Variants in CSMD1 observed in about 807,000 individuals in gnomAD.
CSMD1 encodes CUB and Sushi multiple domains 1.
A neutral mutation model predicts 417.5 loss-of-function variants in CSMD1; 213 were observed. That is an observed-to-expected ratio of 0.51 (90% CI 0.46 to 0.57). The LOEUF (loss-of-function observed/expected upper bound fraction) is 0.57, where lower values mean the gene tolerates loss of function less well. Among genes scored for constraint, CSMD1 ranks in the 20% least tolerant of loss-of-function variants. The pLI is 0.00. For missense variants in CSMD1, 6,923 were observed against 4,529.7 expected (o/e 1.53, Z -15.17); for synonymous variants, 2,862 against 1,736.8 (o/e 1.65, Z -16.11).
intron 3 of CSMD1, among the ~76,000 whole-genome samples, chr8:4,268,450 G>A (rs928267952): frequency 5.9e-5 from 9 of 152,122 alleles, no homozygotes; most frequent in African/African-American, 1.4e-4. Flanking sequence ...GCAAGTCTGA[G>A]GTACTGAAAG....
intron 2 of CSMD1, among the ~76,000 whole-genome samples, chr8:4,523,044 A>G (rs942087180): frequency 7.9e-5 from 12 of 152,196 alleles, no homozygotes; most frequent in African/African-American, 2.7e-4. Flanking sequence ...GGTTTTCATA[A>G]GCTCTGCAGA....
intron 51 of CSMD1, among the ~76,000 whole-genome samples, chr8:3,028,565 G>T (rs1474890515): frequency 1.3e-5 from 2 of 152,178 alleles, no homozygotes; most frequent in Non-Finnish European, 2.9e-5. Context: ...TTATCTTTGT[G>T]TTCCTGGTGA....
chr8:4,347,641 G>C (rs1267616929), intron 3 of CSMD1, among the ~76,000 whole-genome samples: 2 of 152,186 alleles, frequency 1.3e-5, no homozygotes, highest in Non-Finnish European at 2.9e-5. Flanking sequence ...AGCAATGAAA[G>C]GAGGAGTGTA....
intron 2 of CSMD1, among the ~76,000 whole-genome samples, chr8:4,477,033 C>G (rs1255439549): frequency 6.6e-6 from 1 of 152,194 alleles, no homozygotes; most frequent in East Asian, 1.9e-4. Context: ...ATTTCCCTCC[C>G]GCAGGGCTGG....
chr8:3,643,567 G>A (rs769118809), intron 7 of CSMD1, among the ~76,000 whole-genome samples: 37 of 152,006 alleles, frequency 2.4e-4, no homozygotes, highest in Non-Finnish European at 4.9e-4. Context: ...CGGGCGTGGT[G>A]GCGGGCGCCT....
At chr8:4,240,368 A>G (rs1802321569) in intron 3 of CSMD1, among the ~76,000 whole-genome samples, 1 of 152,200 alleles carries the variant, frequency 6.6e-6, no homozygotes, top group African/African-American at 2.4e-5. Flanking sequence ...CATTCTGGCT[A>G]TGCCCCATTT....
At chr8:4,415,870 G>C (rs768465358) in intron 3 of CSMD1, among the ~76,000 whole-genome samples, 7 of 152,254 alleles carry the variant, frequency 4.6e-5, no homozygotes, top group South Asian at 2.1e-4. Context: ...ATATACAAGA[G>C]GAAACAGTGA....
intron 8 of CSMD1, among the ~76,000 whole-genome samples, chr8:3,591,782 T>C (rs796773969): frequency 1.3e-5 from 2 of 149,720 alleles, no homozygotes; most frequent in African/African-American, 2.4e-5. Flanking sequence ...GATGGATGGA[T>C]GGATAGATGG....
At chr8:2,967,933 G>A (rs369624541) in intron 57 of CSMD1, among the ~76,000 whole-genome samples, 1 of 152,082 alleles carries the variant, frequency 6.6e-6, no homozygotes, top group Non-Finnish European at 1.5e-5. Context: ...GCACACGCTG[G>A]TGCTTCCTGG....
chr8:3,575,414 G>C (rs568256118), intron 9 of CSMD1, among the ~76,000 whole-genome samples: 1 of 152,218 alleles, frequency 6.6e-6, no homozygotes, highest in African/African-American at 2.4e-5. Flanking sequence ...CGTAGGTGTC[G>C]TTGTTCAGAG....
intron 1 of CSMD1, among the ~76,000 whole-genome samples, chr8:4,884,371 A>G (rs181935579): frequency 1.7e-3 from 253 of 151,974 alleles, no homozygotes; most frequent in African/African-American, 5.9e-3. Context: ...CAACGTTTAG[A>G]GTTTTGATGA....
chr8:4,133,323 T>A (rs1803224594), intron 3 of CSMD1, among the ~76,000 whole-genome samples: 1 of 152,198 alleles, frequency 6.6e-6, no homozygotes, highest in African/African-American at 2.4e-5. Context: ...TGAGGACAAA[T>A]AATGATAGAC....
intron 12 of CSMD1, among the ~76,000 whole-genome samples, chr8:3,458,722 A>G (rs998897473): frequency 6.6e-6 from 1 of 152,210 alleles, no homozygotes; most frequent in Non-Finnish European, 1.5e-5. Flanking sequence ...AATTATTAAT[A>G]TATTTGGTTT....
At chr8:3,297,635 A>G (rs1211241303) in intron 25 of CSMD1, among the ~76,000 whole-genome samples, 1 of 152,196 alleles carries the variant, frequency 6.6e-6, no homozygotes. Context: ...CAGTCTCCAT[A>G]CTGTACACAA....
intron 3 of CSMD1, among the ~76,000 whole-genome samples, chr8:4,328,969 C>G (rs1208524056): frequency 6.6e-6 from 1 of 152,188 alleles, no homozygotes; most frequent in Admixed American, 6.5e-5. Context: ...GAGTATCACT[C>G]TTCTGTGATA....
intron 2 of CSMD1, among the ~76,000 whole-genome samples, chr8:4,545,051 C>T (rs776452174): frequency 7.2e-5 from 11 of 152,174 alleles, no homozygotes; most frequent in African/African-American, 2.4e-4. Flanking sequence ...AAACAATATA[C>T]GTGTGTGTGC....
chr8:3,137,675 C>G (rs562385113), intron 41 of CSMD1, among the ~76,000 whole-genome samples: 1 of 152,190 alleles, frequency 6.6e-6, no homozygotes, highest in Non-Finnish European at 1.5e-5. Context: ...TCTTATAATA[C>G]TGAACACAAA....
chr8:3,613,853 C>A (rs1056564944), intron 8 of CSMD1, among the ~76,000 whole-genome samples: 8 of 151,878 alleles, frequency 5.3e-5, no homozygotes, highest in African/African-American at 1.7e-4. Flanking sequence ...CACCTAAGCT[C>A]AGGAATAAAG....
At chr8:4,836,501 G>C (rs1026655563) in intron 1 of CSMD1, among the ~76,000 whole-genome samples, 6 of 152,246 alleles carry the variant, frequency 3.9e-5, no homozygotes, top group Admixed American at 2.0e-4. Context: ...CAGCTAACAT[G>C]AATCATGCAT....
Sources: gnomAD v4.1 joint callset for allele counts (sites outside exome capture counted in the v4.1 genomes callset) on GRCh38, gnomAD v4.1.1 for gene constraint, MANE v1.5 for transcripts, NCBI Gene and HGNC (gene_info 2026-07-23, HGNC 2026-07-21) for gene names.